KCNJ1: variants seen among roughly 807,000 people sequenced by gnomAD.
KCNJ1 encodes ATP-sensitive inward rectifier potassium channel 1.
A neutral mutation model predicts 21.9 loss-of-function variants in KCNJ1; 24 were observed. The observed-to-expected ratio is 1.10, with a 90% confidence interval of 0.79 to 1.54. The LOEUF (loss-of-function observed/expected upper bound fraction) is 1.54. Among genes scored for constraint, KCNJ1 ranks in the 40% most tolerant of loss-of-function variants. KCNJ1 has a pLI of 0.00. For synonymous variants in KCNJ1, 152 were observed against 160.9 expected (o/e 0.94, Z 0.42); for missense variants, 457 against 455.4 (o/e 1.00, Z -0.03).
chr11:128,853,538 G>A (rs1001856693), intron 1 of KCNJ1, among the ~76,000 whole-genome samples: 1 of 152,166 alleles, frequency 6.6e-6, no homozygotes, highest in African/African-American at 2.4e-5. Context: ...TGGGCACCAG[G>A]TTCTTTTGGG....
At chr11:128,852,674 G>A (rs1943497008) in intron 1 of KCNJ1, among the ~76,000 whole-genome samples, 1 of 152,244 alleles carries the variant, frequency 6.6e-6, no homozygotes, top group African/African-American at 2.4e-5. Context: ...CTTCTTGCTG[G>A]CATTTAGCAT....
intron 1 of KCNJ1, among the ~76,000 whole-genome samples, chr11:128,857,092 C>A (rs925890956): frequency 3.3e-5 from 5 of 152,176 alleles, no homozygotes; most frequent in Admixed American, 6.5e-5. Context: ...GTTCCCACCC[C>A]CTCTGCTCTG....
intron 1 of KCNJ1, among the ~76,000 whole-genome samples, chr11:128,866,157 G>T (rs189764887): frequency 1.8e-3 from 281 of 152,290 alleles, no homozygotes; most frequent in Non-Finnish European, 2.6e-3. Flanking sequence ...CCAAGCCCAT[G>T]ACTGAAGGGA....
At chr11:128,840,439 C>T (rs1326495723) in intron 2 of KCNJ1, among the ~76,000 whole-genome samples, 175 bp from the exon 3 acceptor site, 4 of 152,176 alleles carry the variant, frequency 2.6e-5, no homozygotes, top group Admixed American at 2.6e-4. Context: ...CTGATAGAAA[C>T]TTTCCACTGG....
intron 1 of KCNJ1, among the ~76,000 whole-genome samples, chr11:128,854,321 G>C (rs1384403831): frequency 6.6e-6 from 1 of 152,032 alleles, no homozygotes; most frequent in African/African-American, 2.4e-5. Context: ...TTTATTCCTT[G>C]CCCATAGCCC....
chr11:128,851,369 G>A (rs1031555284), intron 1 of KCNJ1, among the ~76,000 whole-genome samples: 1 of 152,286 alleles, frequency 6.6e-6, no homozygotes, highest in Middle Eastern at 3.4e-3. Context: ...TCCTATAGTG[G>A]ATTATTTTAT....
At chr11:128,860,212 G>T (rs547855795) in intron 1 of KCNJ1, among the ~76,000 whole-genome samples, 1 of 152,342 alleles carries the variant, frequency 6.6e-6, no homozygotes, top group South Asian at 2.1e-4. Flanking sequence ...TGCAGTGCTT[G>T]GGAGAATCCG....
intron 1 of KCNJ1, among the ~76,000 whole-genome samples, chr11:128,861,322 G>C (rs1943702922): frequency 6.6e-6 from 1 of 152,222 alleles, no homozygotes; most frequent in Non-Finnish European, 1.5e-5. Context: ...ACCCAGGATT[G>C]GGGGCCCTAG....
intron 1 of KCNJ1, among the ~76,000 whole-genome samples, chr11:128,864,062 T>C (rs1427200728): frequency 2.0e-5 from 3 of 150,014 alleles, no homozygotes; most frequent in Non-Finnish European, 4.4e-5. Flanking sequence ...TTTTTCTTTT[T>C]TCTTTTTCTC....
intron 2 of KCNJ1, among the ~76,000 whole-genome samples, chr11:128,847,004 C>G (rs1451467876): frequency 6.6e-6 from 1 of 152,090 alleles, no homozygotes; most frequent in African/African-American, 2.4e-5. Context: ...GGCCGAATAT[C>G]CCCCCATCCT....
intron 1 of KCNJ1, among the ~76,000 whole-genome samples, chr11:128,864,323 T>C (rs1231496342): frequency 6.6e-6 from 1 of 152,034 alleles, no homozygotes; most frequent in Non-Finnish European, 1.5e-5. Context: ...TGACCTCAGA[T>C]GAGCCTCAGC....
intron 1 of KCNJ1, among the ~76,000 whole-genome samples, chr11:128,861,366 G>C (rs1943704153): frequency 6.6e-6 from 1 of 152,230 alleles, no homozygotes; most frequent in Admixed American, 6.5e-5. Flanking sequence ...GTACCATGGA[G>C]GGGCATGAGC....
In KCNJ1 at chr11:128,839,776, A is replaced by G; in HGVS notation, c.468T>C (p.Cys156=). ...ILGVIINSFM[C]GAILAKISRP... The stretch of plus-strand genomic sequence containing the variant: ...TGGAGATCTTGGCTAAGATGGCCCC[A>G]CACATGAAAGAATTGATTATAACTC... The change falls in exon 3 of 3, where the codon TGT becomes TGC. Residue 156 remains cysteine (C), a synonymous_variant. Coordinates refer to ENST00000392666, the MANE Select transcript of KCNJ1 (RefSeq NM_153766.3). 1.2e-6 allele frequency: 2 copies of G among 1,614,044 alleles called. No homozygotes were observed. Among genetic ancestry groups the G allele is most frequent in the Admixed American group, 1.7e-5 (1 of 60,016 alleles).
At chr11:128,859,734 C>T (rs1943664412) in intron 1 of KCNJ1, among the ~76,000 whole-genome samples, 1 of 152,248 alleles carries the variant, frequency 6.6e-6, no homozygotes, top group South Asian at 2.1e-4. Context: ...GTCTGCGTCT[C>T]TCAGGGCATC....
In KCNJ1 at chr11:128,840,014, C is replaced by T. The variant is rs1943253981; in HGVS notation, c.230G>A (p.Gly77Asp). ...TAFLGSWFFF[G>D]LLWYAVAYIH... is the part of the protein sequence containing the mutation. ...GTACGCTACTGCATACCACAGGAGA[C>T]CAAAGAAAAACCAACTCCCCAAGAA... The change falls in exon 3 of 3, where the codon GGT (glycine) becomes GAT (aspartate). Residue 77 changes from glycine (G) to aspartate (D), a missense_variant. Gly to Asp is a moderately conservative substitution (Grantham distance 94, BLOSUM62 -1). Transcript: ENST00000392666. 3 of 1,613,760 alleles carry T rather than the reference C, an allele frequency of 1.9e-6. No individual in the cohort carries two copies. Among genetic ancestry groups the T allele is most frequent in the African/African-American group, 2.7e-5 (2 of 74,862 alleles).
chr11:128,861,682 A>C (rs1943710690), intron 1 of KCNJ1, among the ~76,000 whole-genome samples: 1 of 152,064 alleles, frequency 6.6e-6, no homozygotes, highest in African/African-American at 2.4e-5. Flanking sequence ...TAAGATTTCC[A>C]AAAACACCAG....
chr11:128,846,575 G>A (rs757091345), intron 2 of KCNJ1, among the ~76,000 whole-genome samples: 13 of 152,166 alleles, frequency 8.5e-5, no homozygotes, highest in Admixed American at 1.3e-4. Flanking sequence ...CTCCCAGTGC[G>A]CAACAGAAGA....
intron 1 of KCNJ1, among the ~76,000 whole-genome samples, chr11:128,856,080 G>A (rs1181433159): frequency 2.0e-5 from 3 of 151,578 alleles, no homozygotes; most frequent in East Asian, 3.8e-4. Context: ...GAACTTCCGG[G>A]CGGGAAAAGA....
At chr11:128,857,561 C>T (rs1943611295) in intron 1 of KCNJ1, among the ~76,000 whole-genome samples, 1 of 152,200 alleles carries the variant, frequency 6.6e-6, no homozygotes, top group Admixed American at 6.5e-5. Flanking sequence ...TATGTTATAC[C>T]CAACACTGCT....
Sources: allele counts gnomAD v4.1 joint callset (sites outside exome capture counted in the v4.1 genomes callset), GRCh38; gene constraint gnomAD v4.1.1; transcripts MANE v1.5; gene names NCBI Gene and HGNC (gene_info 2026-07-23, HGNC 2026-07-21).